The following DDX59 variants were observed in gnomAD, a reference collection of about 807,000 sequenced individuals.
DDX59 encodes probable ATP-dependent RNA helicase DDX59.
A neutral mutation model predicts 51.9 loss-of-function variants in DDX59; 30 were observed. That is an observed-to-expected ratio of 0.58 (90% confidence interval 0.43 to 0.78). The LOEUF (loss-of-function observed/expected upper bound fraction) is 0.78, where lower values mean the gene tolerates loss of function less well. Ranked by LOEUF, DDX59 falls within the 30% of genes least tolerant of loss-of-function variation. The pLI is 0.00. For synonymous variants in DDX59, 255 were observed against 253.3 expected, an observed-to-expected ratio of 1.01 and a Z score of -0.06; for missense variants, 672 against 730.8, an observed-to-expected ratio of 0.92 and a Z score of 0.93.
intron 7 of DDX59, among the ~76,000 whole-genome samples, chr1:200,647,285 G>C (rs1400686832): frequency 1.3e-5 from 2 of 152,120 alleles, no homozygotes; most frequent in Non-Finnish European, 2.9e-5. Context: ...AGAAGCTATT[G>C]TTACCTTTGG....
chr1:200,650,676 CCTAAAATAA>C lies in DDX59; in HGVS notation c.1063-9_1063-1del. ...AAACCCATCTTTAACATGGTATCAGCCTAAAATAAAATTGTATTAAAGTTAGTCTTGTTT... is the reference window on the plus strand; with the variant it reads ...AAACCCATCTTTAACATGGTATCAGCAATTGTATTAAAGTTAGTCTTGTTT... On this transcript the variant is annotated splice_acceptor_variant and splice_polypyrimidine_tract_variant and intron_variant, in intron 4 of 7. Transcript: ENST00000331314. LOFTEE classifies it high-confidence loss of function. The C allele has an allele frequency of 6.3e-7, 1 of 1,597,516 alleles. No individual in the cohort carries two copies.
Position 200,666,353 on chromosome 1 carries a change from C to T in DDX59, c.388G>A (p.Glu130Lys). The change falls in exon 2 of 8, where the codon GAG (glutamate) becomes AAG (lysine). Residue 130 changes from glutamate (E) to lysine (K), a missense_variant. By Grantham distance (56) the Glu-to-Lys change is moderately conservative (BLOSUM62 1). Coordinates refer to ENST00000331314, the MANE Select transcript of DDX59 (RefSeq NM_001031725.6). The part of the protein sequence containing the change: ...DKTDEDVCSL[E>K]CKAKHLLQVK... ...TGTAGAAGATGTTTCGCTTTACACT[C>T]CAAACTACACACATCTTCATCTGTC... 1 of 1,614,200 alleles carries T rather than the reference C, an allele frequency of 6.2e-7. No individual in the cohort carries two copies. Among genetic ancestry groups the T allele is most frequent in the Non-Finnish European group, 8.5e-7 (1 of 1,180,044 alleles).
chr1:200,664,586 T>G (rs1662592837), intron 2 of DDX59, among the ~76,000 whole-genome samples: 1 of 152,204 alleles, frequency 6.6e-6, no homozygotes, highest in Non-Finnish European at 1.5e-5. Flanking sequence ...GACCTATATT[T>G]TAAACAATCT....
intron 2 of DDX59, 75 bp from the exon 3 acceptor site, chr1:200,664,161 G>C: frequency 6.7e-7 from 1 of 1,499,940 alleles, no homozygotes; most frequent in Non-Finnish European, 9.0e-7. Context: ...TCTTCACAAG[G>C]ATTCCAGGAA....
downstream of DDX59, among the ~76,000 whole-genome samples, chr1:200,642,149 G>A (rs1661067270): frequency 6.6e-6 from 1 of 152,136 alleles, no homozygotes; most frequent in Admixed American, 6.6e-5. Context: ...TATAAAAGAT[G>A]TTTGCTTCAA....
chr1:200,655,397 A>AC (rs1661957511), intron 4 of DDX59, among the ~76,000 whole-genome samples: 1 of 152,118 alleles, frequency 6.6e-6, no homozygotes, highest in Non-Finnish European at 1.5e-5. Flanking sequence ...GGCTGCTCTT[A>AC]GATTCTTTCA....
At chr1:200,641,478 C>CTCATGACTGTAA (rs6143566), downstream of DDX59, among the ~76,000 whole-genome samples, 4 of 151,638 alleles carry the variant, frequency 2.6e-5, no homozygotes, top group African/African-American at 9.7e-5. Flanking sequence ...GGCGTGGTGG[C>CTCATGACTGTAA]TCCCAGCACT....
intron 7 of DDX59, among the ~76,000 whole-genome samples, chr1:200,646,312 C>T (rs1457506374): frequency 6.6e-6 from 1 of 151,266 alleles, no homozygotes; most frequent in Non-Finnish European, 1.5e-5. Flanking sequence ...CCAGCCCGGG[C>T]AACAGAAGGA....
rs139985556 is a variant in DDX59 at position 200,648,516 on chromosome 1, G to A, written c.1519C>T (p.Arg507Ter). 43 of 1,613,962 alleles carry A rather than the reference G, an allele frequency of 2.7e-5. No homozygotes were observed. The highest frequency in any genetic ancestry group is 4.0e-5 in the African/African-American group (3 of 74,906). ...CTGACACTGATCAAGTCTAGGCCTCGTCCCAAGACTCCTGTGCTCACTACA... is the reference window on the plus strand; with the variant it reads ...CTGACACTGATCAAGTCTAGGCCTCATCCCAAGACTCCTGTGCTCACTACA... ...EVVVSTGVLG[R>*]GLDLISVRLV... is the part of the protein sequence containing the mutation. Residue 507 changes from arginine to a stop codon, truncating the protein, a stop_gained, in exon 7 of 8, where the codon CGA (arginine) becomes TGA (stop). Transcript: ENST00000331314. LOFTEE classifies it high-confidence loss of function.
At chr1:200,664,285 G>C (rs1662572314) in intron 2 of DDX59, among the ~76,000 whole-genome samples, 199 bp from the exon 3 acceptor site, 1 of 152,032 alleles carries the variant, frequency 6.6e-6, no homozygotes, top group Non-Finnish European at 1.5e-5. Context: ...ACATAACACA[G>C]AATACAATGA....
chr1:200,652,456 A>AC (rs1392195241), intron 4 of DDX59, among the ~76,000 whole-genome samples: 13 of 151,960 alleles, frequency 8.6e-5, no homozygotes, highest in African/African-American at 2.7e-4. Context: ...TTACTGTGCA[A>AC]CCTCCTGGGC....
intron 1 of DDX59, chr1:200,669,457 G>C (rs1453725603): frequency 6.6e-6 from 1 of 152,652 alleles, no homozygotes; most frequent in Non-Finnish European, 1.5e-5. Flanking sequence ...GACGGCGGAC[G>C]GCTGGCGGCG....
At chr1:200,663,808 T>A in intron 3 of DDX59, 111 bp downstream of exon 3, 2 of 1,160,626 alleles carry the variant, frequency 1.7e-6, no homozygotes, top group Non-Finnish European at 1.1e-6. Context: ...GGTAAGAATT[T>A]AAAGGCTCTC....
rs539356316 is a variant in DDX59 at position 200,666,537 on chromosome 1, C to A, written c.204G>T (p.Gln68His). ...GACTTACTGAATGAACCTCTGCCAACTGGCCACCTGGGCTGGGGAAAGGGC... is the reference window on the plus strand; with the variant it reads ...GACTTACTGAATGAACCTCTGCCAAATGGCCACCTGGGCTGGGGAAAGGGC... Reference protein sequence around the residue: ...ESCPFPSPGGQLAEVHSVSPE... With the variant: ...ESCPFPSPGGHLAEVHSVSPE... The change falls in exon 2 of 8, where the codon CAG (glutamine) becomes CAT (histidine). Residue 68 changes from glutamine to histidine, a missense_variant. Transcript: ENST00000331314. The A allele has an allele frequency of 2.3e-5, 37 of 1,614,240 alleles. No individual in the cohort carries two copies. In the South Asian group the frequency reaches 3.7e-4, roughly 16 times the overall value.
intron 4 of DDX59, among the ~76,000 whole-genome samples, 194 bp from the exon 5 acceptor site, chr1:200,650,870 T>A (rs1165852208): frequency 6.6e-6 from 1 of 152,200 alleles, no homozygotes; most frequent in Non-Finnish European, 1.5e-5. Flanking sequence ...TACAATGATA[T>A]ACAAAGATTG....
chr1:200,668,074 G>A (rs887707153), intron 1 of DDX59, among the ~76,000 whole-genome samples: 2 of 152,038 alleles, frequency 1.3e-5, no homozygotes, highest in African/African-American at 2.4e-5. Context: ...CGAGGCGGGC[G>A]GATCACGAGG....
intron 4 of DDX59, among the ~76,000 whole-genome samples, chr1:200,655,855 A>G (rs1387959017): frequency 2.0e-5 from 3 of 148,750 alleles, no homozygotes; most frequent in Admixed American, 1.3e-4. Context: ...TTTGAGACGG[A>G]GTTTCACTCT....
At chr1:200,667,175 C>T (rs1323931065) in intron 1 of DDX59, among the ~76,000 whole-genome samples, 8 of 151,462 alleles carry the variant, frequency 5.3e-5, no homozygotes, top group East Asian at 3.9e-4. Flanking sequence ...GAGGCCGAGG[C>T]GGGCAGATCA....
chr1:200,655,599 C>T (rs1661969057), intron 4 of DDX59, among the ~76,000 whole-genome samples: 1 of 152,144 alleles, frequency 6.6e-6, no homozygotes, highest in Non-Finnish European at 1.5e-5. Flanking sequence ...CTGGTGGTCT[C>T]TTCTCTGCCC....
Sources: gnomAD v4.1 joint callset for allele counts (sites outside exome capture counted in the v4.1 genomes callset) on GRCh38, gnomAD v4.1.1 for gene constraint, MANE v1.5 for transcripts, NCBI Gene and HGNC (gene_info 2026-07-23, HGNC 2026-07-21) for gene names.